Variants in OSBPL8 observed in about 807,000 individuals in gnomAD.
The protein encoded by OSBPL8 is oxysterol-binding protein-related protein 8.
A neutral mutation model predicts 125.5 loss-of-function variants in OSBPL8; 59 were observed. That is an observed-to-expected ratio of 0.47 (90% CI 0.38 to 0.58). The LOEUF (loss-of-function observed/expected upper bound fraction) is 0.58. OSBPL8 is among the 20% of genes least tolerant of loss of function. The pLI is 0.00. For synonymous variants in OSBPL8, 330 were observed against 338.9 expected (o/e 0.97, Z 0.29); for missense variants, 758 against 1,047.8 (o/e 0.72, Z 3.82).
intron 1 of OSBPL8, among the ~76,000 whole-genome samples, chr12:76,499,324 A>G (rs1214486032): frequency 8.8e-6 from 1 of 113,070 alleles, no homozygotes; most frequent in Non-Finnish European, 2.0e-5. Flanking sequence ...CTATCTATCT[A>G]TCTATCTATC....
At chr12:76,428,498 T>C (rs1184902881) in intron 4 of OSBPL8, among the ~76,000 whole-genome samples, 1 of 152,066 alleles carries the variant, frequency 6.6e-6, no homozygotes, top group East Asian at 1.9e-4. Flanking sequence ...TGCACACTCA[T>C]GATAAAAAAA....
intron 1 of OSBPL8, among the ~76,000 whole-genome samples, chr12:76,534,030 T>C (rs1045322880): frequency 6.6e-6 from 1 of 152,270 alleles, no homozygotes; most frequent in Non-Finnish European, 1.5e-5. Flanking sequence ...ATATTTTTAC[T>C]GTAAACTAAA....
chr12:76,489,521 T>G (rs1025884957), intron 1 of OSBPL8, among the ~76,000 whole-genome samples: 17 of 152,234 alleles, frequency 1.1e-4, no homozygotes, highest in African/African-American at 4.1e-4. Context: ...ACTCTGCCTG[T>G]GCACTATAAA....
At chr12:76,449,420 G>A (rs969318571) in intron 4 of OSBPL8, among the ~76,000 whole-genome samples, 4 of 152,184 alleles carry the variant, frequency 2.6e-5, no homozygotes, top group Admixed American at 2.0e-4. Flanking sequence ...GGATCTGCAA[G>A]GTGAAAACTA....
At chr12:76,533,722 GCAAAGCTTAGAAATGTCTTT>G (rs1950414947) in intron 1 of OSBPL8, among the ~76,000 whole-genome samples, 1 of 152,158 alleles carries the variant, frequency 6.6e-6, no homozygotes, top group Admixed American at 6.5e-5. Flanking sequence ...GTTATCAAGT[GCAAAGCTTAGAAATGTCTTT>G]CAAAGGACAA....
chr12:76,381,643 A>G (rs780194863), intron 15 of OSBPL8, among the ~76,000 whole-genome samples: 14 of 151,774 alleles, frequency 9.2e-5, no homozygotes, highest in Non-Finnish European at 1.8e-4. Flanking sequence ...TTGTTTTGAA[A>G]TCTATTTTAT....
chr12:76,399,714 C>T (rs566091570), intron 7 of OSBPL8, among the ~76,000 whole-genome samples, 159 bp downstream of exon 7: 1 of 152,252 alleles, frequency 6.6e-6, no homozygotes, highest in South Asian at 2.1e-4. Flanking sequence ...AAGATGGGAA[C>T]ACAGAACCTC....
chr12:76,503,679 C>CCCG (rs1880128889), intron 1 of OSBPL8, among the ~76,000 whole-genome samples: 1 of 152,098 alleles, frequency 6.6e-6, no homozygotes, highest in African/African-American at 2.4e-5. Context: ...GCTGGGACTA[C>CCCG]AGGTGCCCGC....
intron 17 of OSBPL8, among the ~76,000 whole-genome samples, chr12:76,374,921 G>C (rs1952753046): frequency 6.6e-6 from 1 of 152,130 alleles, no homozygotes; most frequent in African/African-American, 2.4e-5. Context: ...ACTGCAAGAT[G>C]ACACATATCT....
intron 4 of OSBPL8, among the ~76,000 whole-genome samples, chr12:76,421,419 G>T (rs759369140): frequency 4.6e-5 from 7 of 152,000 alleles, no homozygotes; most frequent in Non-Finnish European, 1.0e-4. Flanking sequence ...CAGGACTATG[G>T]TTTCCAATTC....
chr12:76,409,921 T>C (rs1343420476), intron 5 of OSBPL8, among the ~76,000 whole-genome samples: 1 of 152,190 alleles, frequency 6.6e-6, no homozygotes, highest in Non-Finnish European at 1.5e-5. Flanking sequence ...CCTGCTACTA[T>C]ATCTTACCAG....
At chr12:76,522,658 C>G (rs903565086) in intron 1 of OSBPL8, among the ~76,000 whole-genome samples, 1 of 151,904 alleles carries the variant, frequency 6.6e-6, no homozygotes, top group Non-Finnish European at 1.5e-5. Context: ...AAGTTCTCAC[C>G]AGAAGCTGAG....
chr12:76,522,246 TTAAC>T (rs1882132931), intron 1 of OSBPL8, among the ~76,000 whole-genome samples: 1 of 152,078 alleles, frequency 6.6e-6, no homozygotes, highest in Non-Finnish European at 1.5e-5. Flanking sequence ...AACTCATGAA[TTAAC>T]TAGTTCTAGA....
intron 2 of OSBPL8, among the ~76,000 whole-genome samples, chr12:76,471,584 T>C (rs1474331614): frequency 6.6e-6 from 1 of 152,198 alleles, no homozygotes; most frequent in Non-Finnish European, 1.5e-5. Flanking sequence ...TTATCTTCCA[T>C]ACCGATATCA....
chr12:76,429,851 A>AC (rs1555219920), intron 4 of OSBPL8, among the ~76,000 whole-genome samples: 4 of 150,850 alleles, frequency 2.7e-5, no homozygotes, highest in Non-Finnish European at 4.4e-5. Context: ...AGTATCAAGC[A>AC]TTTTTTTGTA....
chr12:76,412,507 C>A (rs759855041), intron 4 of OSBPL8, among the ~76,000 whole-genome samples: 1 of 152,090 alleles, frequency 6.6e-6, no homozygotes, highest in Non-Finnish European at 1.5e-5. Flanking sequence ...CATCCTATGC[C>A]ACCTAGTCTA....
At chr12:76,532,662 T>C (rs1177952788) in intron 1 of OSBPL8, among the ~76,000 whole-genome samples, 9 of 151,006 alleles carry the variant, frequency 6.0e-5, no homozygotes, top group Non-Finnish European at 1.3e-4. Context: ...GGAACATCCC[T>C]CCTCCAACAT....
chr12:76,381,041 C>G (rs1953026095), intron 15 of OSBPL8, among the ~76,000 whole-genome samples: 1 of 152,060 alleles, frequency 6.6e-6, no homozygotes, highest in South Asian at 2.1e-4. Context: ...AGATGGTAAA[C>G]CAACCTTGTA....
At chr12:76,404,283 A>G (rs1042456123) in intron 5 of OSBPL8, among the ~76,000 whole-genome samples, 4 of 152,218 alleles carry the variant, frequency 2.6e-5, no homozygotes, top group African/African-American at 9.7e-5. Context: ...GCTTAAAATT[A>G]TTAGGAGATT....
Sources: allele counts gnomAD v4.1 joint callset (sites outside exome capture counted in the v4.1 genomes callset), GRCh38; gene constraint gnomAD v4.1.1; transcripts MANE v1.5; gene names NCBI Gene and HGNC (gene_info 2026-07-23, HGNC 2026-07-21).